The following ABL1 variants were observed in gnomAD, a reference collection of about 807,000 sequenced individuals.
ABL1 encodes tyrosine-protein kinase ABL1.
Under a neutral mutation model 94.7 loss-of-function variants are expected in ABL1, and 11 were observed. The ratio of observed to expected loss-of-function variants is 0.12; its 90% CI spans 0.07 to 0.19. The LOEUF is 0.19. ABL1 is among the 10% of genes least tolerant of loss of function. ABL1 has a pLI of 1.00. For missense variants in ABL1, 1,082 were observed against 1,489.4 expected, an observed-to-expected ratio of 0.73 and a Z score of 4.50; for synonymous variants, 656 against 622.4, an observed-to-expected ratio of 1.05 and a Z score of -0.80.
rs893063857 is a variant in ABL1, at chr9:130,719,236, T to C, written c.136+4781T>C. On this transcript the variant is annotated intron_variant, in intron 1 of 10. Transcript: ENST00000372348. Reference sequence around the variant, plus strand: ...CTTATAATACGAAAAATTCGAAGATTTAAAAACTGAGGCCAGGCACGGTGG... The same window carrying C: ...CTTATAATACGAAAAATTCGAAGATCTAAAAACTGAGGCCAGGCACGGTGG... Among the ~76,000 whole-genome samples the C allele has an allele frequency of 3.3e-5, 5 of 151,990 alleles. No individual in the cohort carries two copies. In the South Asian group the frequency reaches 8.3e-4, roughly 25 times the overall value.
rs869234280 is a variant in ABL1, at chr9:130,859,677, C to CTTTTTTTTTTTTTTTTT, written c.550-3073_550-3057dup. The stretch of plus-strand genomic sequence containing the variant: ...AAACGCTGTTTCTTTTCTTTCTTTC[C>CTTTTTTTTTTTTTTTTT]TTTTTTTTTTTTTTTTTTTTTTTTT... On this transcript the variant is annotated intron_variant, in intron 3 of 10. Transcript: ENST00000318560. Among the ~76,000 whole-genome samples, 59 of 78,460 alleles carry CTTTTTTTTTTTTTTTTT rather than the reference C, an allele frequency of 7.5e-4. 7 individuals are homozygous for CTTTTTTTTTTTTTTTTT. Among genetic ancestry groups the CTTTTTTTTTTTTTTTTT allele is most frequent in the African/African-American group, 3.4e-3 (50 of 14,858 alleles). The allele number at this position is 78,460 out of a possible 152,430, so 51.5% of individuals were successfully genotyped here.
chr9:130,793,883 A>T (rs775199742), intron 1 of ABL1, among the ~76,000 whole-genome samples: 16 of 152,160 alleles, frequency 1.1e-4, no homozygotes, highest in Non-Finnish European at 2.1e-4. Context: ...TAGGAGCATG[A>T]AATCTATTGT....
At chr9:130,825,365 C>T (rs1830412240) in intron 1 of ABL1, among the ~76,000 whole-genome samples, 1 of 152,196 alleles carries the variant, frequency 6.6e-6, no homozygotes, top group South Asian at 2.1e-4. Context: ...GCTGCTTTTG[C>T]AGATTCTTTT....
intron 1 of ABL1, among the ~76,000 whole-genome samples, chr9:130,848,345 GAAAAA>G (rs34112720): frequency 1.4e-5 from 1 of 69,734 alleles, no homozygotes; most frequent in East Asian, 4.7e-4. Flanking sequence ...TACTGAAAAT[GAAAAA>G]AAAAAAAAAA....
chr9:130,836,094 C>G (rs1215476888), intron 1 of ABL1, among the ~76,000 whole-genome samples: 1 of 152,200 alleles, frequency 6.6e-6, no homozygotes, highest in Non-Finnish European at 1.5e-5. Flanking sequence ...AGTGATCTTT[C>G]CATCTCCCCC....
chr9:130,859,524 CG>C (rs1446614766), intron 3 of ABL1, among the ~76,000 whole-genome samples: 2 of 151,728 alleles, frequency 1.3e-5, no homozygotes, highest in African/African-American at 4.8e-5. Context: ...GAGCAGCTCT[CG>C]GGGGAACTTG....
chr9:130,877,970 G>T (rs1376738447), intron 7 of ABL1, among the ~76,000 whole-genome samples: 1 of 147,100 alleles, frequency 6.8e-6, no homozygotes, highest in Non-Finnish European at 1.5e-5. Flanking sequence ...CTACCACCAC[G>T]CCCGGCTAAT....
At chr9:130,844,371 G>A (rs893004513) in intron 1 of ABL1, among the ~76,000 whole-genome samples, 12 of 152,172 alleles carry the variant, frequency 7.9e-5, no homozygotes, top group African/African-American at 2.4e-4. Flanking sequence ...TGATATGGGC[G>A]TCAATGGCAG....
Position 130,854,055 on chromosome 9 carries a change from C to G in ABL1, c.80-9C>G. 6.3e-7 allele frequency: 1 copy of G among 1,589,454 alleles called. No homozygotes were observed. The highest frequency in any genetic ancestry group is 8.6e-7 in the Non-Finnish European group (1 of 1,168,918). ...TTTTCTTTTTTCTGTTCCCCCCTTT[C>G]TCTTCCAGAAGCCCTTCAGCGGCCA... is the stretch of plus-strand genomic sequence containing the variant. On this transcript the variant is annotated splice_polypyrimidine_tract_variant and intron_variant, in intron 1 of 10. Coordinates refer to ENST00000318560, the MANE Select transcript of ABL1 (RefSeq NM_005157.6).
chr9:130,728,861 CA>C (rs1456257234), intron 1 of ABL1, among the ~76,000 whole-genome samples: 4 of 152,052 alleles, frequency 2.6e-5, no homozygotes, highest in African/African-American at 9.7e-5. Context: ...TTTTTCTGTA[CA>C]TTATGAGTCA....
At chr9:130,831,336 A>T (rs1186278930), upstream of ABL1, among the ~76,000 whole-genome samples, 1 of 151,998 alleles carries the variant, frequency 6.6e-6, no homozygotes, top group East Asian at 1.9e-4. Flanking sequence ...CCACATCCTG[A>T]ATCCTGCCTC....
chr9:130,766,388 G>A (rs1462879625), intron 1 of ABL1, among the ~76,000 whole-genome samples: 1 of 152,178 alleles, frequency 6.6e-6, no homozygotes, highest in African/African-American at 2.4e-5. Context: ...TGGTAAACAT[G>A]CAGTGAAGGG....
chr9:130,724,505 T>C (rs1000437247), intron 1 of ABL1, among the ~76,000 whole-genome samples: 3 of 151,854 alleles, frequency 2.0e-5, no homozygotes, highest in Non-Finnish European at 4.4e-5. Context: ...ACATTTATTG[T>C]GTGGCTAATC....
chr9:130,829,609 GT>G (rs1180395707), intron 1 of ABL1, among the ~76,000 whole-genome samples: 1 of 150,114 alleles, frequency 6.7e-6, no homozygotes, highest in East Asian at 1.9e-4. Flanking sequence ...TATTTGAAAT[GT>G]TTTAGTGATT....
chr9:130,806,672 TA>T (rs1830129386), intron 1 of ABL1, among the ~76,000 whole-genome samples: 1 of 152,168 alleles, frequency 6.6e-6, no homozygotes, highest in Non-Finnish European at 1.5e-5. Flanking sequence ...AATTATGACA[TA>T]AAATGTTATA....
At chr9:130,819,837 A>T (rs1275273039) in intron 1 of ABL1, among the ~76,000 whole-genome samples, 3 of 150,528 alleles carry the variant, frequency 2.0e-5, no homozygotes, top group East Asian at 1.9e-4. Flanking sequence ...CACCGCGCCC[A>T]GCTGAAAAAT....
intron 1 of ABL1, among the ~76,000 whole-genome samples, chr9:130,725,551 T>C (rs1354102204): frequency 1.3e-5 from 2 of 152,032 alleles, no homozygotes; most frequent in Non-Finnish European, 2.9e-5. Context: ...TGGCTAATTT[T>C]GTATTTTTAG....
chr9:130,722,033 C>T (rs557211575), intron 1 of ABL1, among the ~76,000 whole-genome samples: 6 of 151,736 alleles, frequency 4.0e-5, no homozygotes, highest in East Asian at 2.0e-4. Flanking sequence ...CTACCTGGCT[C>T]GACCTCCCAA....
intron 1 of ABL1, among the ~76,000 whole-genome samples, chr9:130,776,237 C>T (rs1267968181): frequency 6.6e-6 from 1 of 152,204 alleles, no homozygotes; most frequent in Non-Finnish European, 1.5e-5. Context: ...ACTTTAGAGT[C>T]CTGAGTCCTG....
Sources: allele counts gnomAD v4.1 joint callset (sites outside exome capture counted in the v4.1 genomes callset), GRCh38; gene constraint gnomAD v4.1.1; transcripts MANE v1.5; gene names NCBI Gene and HGNC (gene_info 2026-07-23, HGNC 2026-07-21).